Variants in MYO10 observed in about 807,000 individuals in gnomAD.
MYO10 encodes the protein unconventional myosin-X.
Under a neutral mutation model 257.3 loss-of-function variants are expected in MYO10, and 133 were observed. The ratio of observed to expected loss-of-function variants is 0.52; its 90% CI spans 0.45 to 0.60. The LOEUF (loss-of-function observed/expected upper bound fraction) is 0.60, where lower values mean the gene tolerates loss of function less well. MYO10 is among the 20% of genes least tolerant of loss of function. The probability of loss-of-function intolerance (pLI) is 0.00; values close to 1 mark genes in which losing one functional copy is unlikely to be tolerated. For synonymous variants in MYO10, 1,104 were observed against 1,028.6 expected (o/e 1.07, Z -1.40); for missense variants, 2,399 against 2,635.7 (o/e 0.91, Z 1.97).
At chr5:16,898,102 T>G (rs1037277507) in intron 1 of MYO10, among the ~76,000 whole-genome samples, 1 of 152,064 alleles carries the variant, frequency 6.6e-6, no homozygotes, top group Non-Finnish European at 1.5e-5. Flanking sequence ...ACAGTTCTAC[T>G]TGGGGAAAAG....
At chr5:16,697,343 G>GA in intron 26 of MYO10, among the ~76,000 whole-genome samples, 1 of 152,012 alleles carries the variant, frequency 6.6e-6, no homozygotes. Flanking sequence ...AAAAGACGTG[G>GA]AAAAAAACGT....
At chr5:16,763,356 CCATTGTGTTCTAAACATTCA>C (rs1740774688) in intron 14 of MYO10, 105 bp downstream of exon 14, 1 of 754,988 alleles carries the variant, frequency 1.3e-6, no homozygotes. Context: ...TCCAAATGGT[CCATTGTGTTCTAAACATTCA>C]CATCGTTGAT....
chr5:16,748,474 G>A lies in MYO10; in HGVS notation c.1929+6354C>T, dbSNP rs11950985. ...TGGCCAGGCTGGTCTCGAACTCCTG[G>A]CCTCAAGTGATCCGCGCCCCCCCGC... On this transcript the variant is annotated intron_variant, in intron 19 of 40. Transcript: ENST00000513610. 1.0e-2 allele frequency among the ~76,000 whole-genome samples: 1,514 copies of A among 151,644 alleles called. 20 individuals are homozygous for A. Among genetic ancestry groups the A allele is most frequent in the African/African-American group, 0.033 (1,346 of 41,166 alleles).
At chr5:16,826,886 T>C (rs927885950) in intron 2 of MYO10, among the ~76,000 whole-genome samples, 3 of 152,336 alleles carry the variant, frequency 2.0e-5, no homozygotes, top group Middle Eastern at 3.4e-3. Flanking sequence ...TTAGCAATCA[T>C]GTAAACAAAA....
intron 3 of MYO10, among the ~76,000 whole-genome samples, chr5:16,812,931 T>TTA (rs564473079): frequency 0.13 from 19,799 of 150,932 alleles, 1,402 homozygotes; most frequent in South Asian, 0.27. Flanking sequence ...CTTTTATTTT[T>TTA]TTTTTTTTTT....
intron 2 of MYO10, among the ~76,000 whole-genome samples, chr5:16,860,563 G>A (rs113739123): frequency 1.5e-4 from 23 of 152,150 alleles, no homozygotes; most frequent in African/African-American, 4.1e-4. Context: ...TCAGAGAAAC[G>A]CACTTGCAGA....
chr5:16,913,602 T>C (rs1745733046), intron 1 of MYO10, among the ~76,000 whole-genome samples: 2 of 152,196 alleles, frequency 1.3e-5, no homozygotes, highest in South Asian at 4.1e-4. Flanking sequence ...GAAGACAGGC[T>C]ACTGACCTGC....
intron 24 of MYO10, among the ~76,000 whole-genome samples, 176 bp from the exon 25 acceptor site, chr5:16,702,014 A>G (rs1738104422): frequency 6.6e-6 from 1 of 152,208 alleles, no homozygotes; most frequent in Non-Finnish European, 1.5e-5. Flanking sequence ...TTGGAGATAC[A>G]GCTTTTAAAG....
At chr5:16,728,251 G>A (rs776697022) in intron 19 of MYO10, among the ~76,000 whole-genome samples, 1 of 152,082 alleles carries the variant, frequency 6.6e-6, no homozygotes, top group Non-Finnish European at 1.5e-5. Context: ...GGCCAGGGTC[G>A]CTTGTCTCCT....
intron 2 of MYO10, among the ~76,000 whole-genome samples, chr5:16,835,156 G>A (rs1029571103): frequency 6.6e-6 from 1 of 152,120 alleles, no homozygotes; most frequent in Admixed American, 6.6e-5. Flanking sequence ...CAGCATGGGC[G>A]ACAGAGTGAG....
chr5:16,689,511 T>A (rs1737395304), intron 28 of MYO10, among the ~76,000 whole-genome samples: 1 of 152,008 alleles, frequency 6.6e-6, no homozygotes, highest in Non-Finnish European at 1.5e-5. Context: ...GGGTAGATTT[T>A]CAGCTTCATG....
intron 9 of MYO10, among the ~76,000 whole-genome samples, chr5:16,773,735 C>T (rs1000632308): frequency 6.6e-6 from 1 of 150,562 alleles, no homozygotes; most frequent in African/African-American, 2.4e-5. Flanking sequence ...GACACATATC[C>T]CATAAATAAA....
chr5:16,909,631 T>C (rs1187716479), intron 1 of MYO10, among the ~76,000 whole-genome samples: 2 of 151,884 alleles, frequency 1.3e-5, no homozygotes, highest in African/African-American at 4.8e-5. Context: ...CAACGACACA[T>C]GGGGATTATG....
intron 9 of MYO10, 103 bp from the exon 10 acceptor site, chr5:16,769,306 CA>C (rs368597528): frequency 3.2e-6 from 4 of 1,256,902 alleles, no homozygotes; most frequent in African/African-American, 3.1e-5. Flanking sequence ...ATTGAAAAGG[CA>C]AAGAAACAAA....
At chr5:16,906,179 G>A (rs1352417135) in intron 1 of MYO10, among the ~76,000 whole-genome samples, 1 of 152,202 alleles carries the variant, frequency 6.6e-6, no homozygotes, top group Non-Finnish European at 1.5e-5. Context: ...ACTTTAGGGT[G>A]CACCTGGTAG....
At chr5:16,768,016 T>TA (rs1355621457) in intron 10 of MYO10, among the ~76,000 whole-genome samples, 1 of 152,046 alleles carries the variant, frequency 6.6e-6, no homozygotes, top group Non-Finnish European at 1.5e-5. Context: ...CATCAACAGA[T>TA]ACAACCCACA....
At chr5:16,906,125 G>C (rs539377881) in intron 1 of MYO10, among the ~76,000 whole-genome samples, 13 of 152,326 alleles carry the variant, frequency 8.5e-5, no homozygotes, top group Admixed American at 7.8e-4. Flanking sequence ...GGCAACTCCT[G>C]CCTGGCAGGA....
intron 4 of MYO10, among the ~76,000 whole-genome samples, chr5:16,785,530 T>G (rs1057486498): frequency 2.6e-5 from 4 of 152,184 alleles, no homozygotes; most frequent in Non-Finnish European, 4.4e-5. Context: ...CTCTTTATCC[T>G]CGGGCACACA....
chr5:16,870,542 T>C (rs1462218986), intron 2 of MYO10, among the ~76,000 whole-genome samples: 2 of 151,340 alleles, frequency 1.3e-5, no homozygotes, highest in Admixed American at 1.3e-4. Flanking sequence ...CAAAGGAAAA[T>C]TACACTAATA....
Sources: allele counts gnomAD v4.1 joint callset (sites outside exome capture counted in the v4.1 genomes callset), GRCh38; gene constraint gnomAD v4.1.1; transcripts MANE v1.5; gene names NCBI Gene and HGNC (gene_info 2026-07-23, HGNC 2026-07-21).